The following HS2ST1 variants were observed in gnomAD, a reference collection of about 807,000 sequenced individuals.
HS2ST1 encodes heparan sulfate 2-O-sulfotransferase 1.
In HS2ST1, 18 loss-of-function variants were observed where a neutral mutation model predicts 42.9. That is an observed-to-expected ratio of 0.42 (90% CI 0.29 to 0.62). The LOEUF (loss-of-function observed/expected upper bound fraction) is 0.62. Among genes scored for constraint, HS2ST1 ranks in the 20% least tolerant of loss-of-function variants. The probability of loss-of-function intolerance (pLI) is 0.21; values close to 1 mark genes in which losing one functional copy is unlikely to be tolerated. For synonymous variants in HS2ST1, 146 were observed against 152.9 expected, an observed-to-expected ratio of 0.95 and a Z score of 0.33; for missense variants, 334 against 433.8, an observed-to-expected ratio of 0.77 and a Z score of 2.04.
chr1:86,954,388 A>G (rs150805624), intron 1 of HS2ST1, among the ~76,000 whole-genome samples: 111 of 152,326 alleles, frequency 7.3e-4, no homozygotes, highest in African/African-American at 2.7e-3. Flanking sequence ...ATTGACGTGA[A>G]GTGCAATAAA....
chr1:86,957,667 T>C (rs1367762055), intron 1 of HS2ST1, among the ~76,000 whole-genome samples: 1 of 151,290 alleles, frequency 6.6e-6, no homozygotes, highest in African/African-American at 2.4e-5. Context: ...TGAGCTCACT[T>C]AAAAAAAAAT....
intron 1 of HS2ST1, among the ~76,000 whole-genome samples, chr1:86,995,030 A>G (rs1305484034): frequency 6.6e-6 from 1 of 152,146 alleles, no homozygotes; most frequent in East Asian, 1.9e-4. Context: ...TGTCAAAAAT[A>G]AAAAGTTGGA....
intron 1 of HS2ST1, among the ~76,000 whole-genome samples, chr1:87,048,941 C>T (rs192264946): frequency 4.6e-5 from 7 of 152,128 alleles, no homozygotes; most frequent in African/African-American, 7.2e-5. Context: ...AACTGGAAAG[C>T]GTTTTCTTCA....
intron 1 of HS2ST1, 65 bp downstream of exon 1, chr1:86,915,225 G>A (rs1660119146): frequency 6.5e-7 from 1 of 1,540,298 alleles, no homozygotes; most frequent in East Asian, 2.3e-5. Flanking sequence ...TGCCGCCGGA[G>A]CAAGTGGGCG....
Position 86,978,835 on chromosome 1 carries a change from AT to A in HS2ST1, c.124+63677del, listed in dbSNP as rs200785220. Among the ~76,000 whole-genome samples the A allele has an allele frequency of 4.7e-3, 672 of 141,848 alleles. 4 individuals are homozygous for A. Among genetic ancestry groups the A allele is most frequent in the Middle Eastern group, 0.022 (6 of 278 alleles). 93.1% of individuals were successfully genotyped at this position (141,848 alleles called of 152,430 possible). A position where few individuals can be genotyped will look rare whatever the true frequency, so the allele number is the denominator to read the frequency against. ...TTTATTTGAAAAATACTGATTCCTGATTCCTAAGGGTTTTTACTTGTGAATC... is the reference window on the plus strand; with the variant it reads ...TTTATTTGAAAAATACTGATTCCTGATCCTAAGGGTTTTTACTTGTGAATC... On this transcript the variant is annotated intron_variant, in intron 1 of 6. Coordinates refer to ENST00000370550, the MANE Select transcript of HS2ST1 (RefSeq NM_012262.4).
intron 1 of HS2ST1, among the ~76,000 whole-genome samples, chr1:87,037,993 T>A (rs528860150): frequency 3.3e-5 from 5 of 152,060 alleles, no homozygotes; most frequent in African/African-American, 4.8e-5. Context: ...AGAAATAAAA[T>A]TGCATGGCAT....
intron 1 of HS2ST1, among the ~76,000 whole-genome samples, chr1:86,959,717 T>A (rs995199588): frequency 1.4e-5 from 2 of 146,488 alleles, no homozygotes; most frequent in African/African-American, 5.1e-5. Context: ...ACAAAAAAAT[T>A]AAAGTCCTTA....
chr1:86,951,514 T>C (rs1377497650), intron 1 of HS2ST1, among the ~76,000 whole-genome samples: 1 of 150,940 alleles, frequency 6.6e-6, no homozygotes, highest in Non-Finnish European at 1.5e-5. Context: ...AATGCACATA[T>C]CTAAATTAAA....
chr1:87,012,656 A>G (rs112398758), intron 1 of HS2ST1, among the ~76,000 whole-genome samples: 2,122 of 152,262 alleles, frequency 0.014, 55 homozygotes, highest in African/African-American at 0.048. Flanking sequence ...ATGCCTTCCC[A>G]AAGTCTTAAC....
intron 1 of HS2ST1, among the ~76,000 whole-genome samples, chr1:87,007,586 T>C (rs546369779): frequency 6.6e-6 from 1 of 152,296 alleles, no homozygotes; most frequent in Non-Finnish European, 1.5e-5. Flanking sequence ...TACCTGTTAC[T>C]TTCTACTCAT....
chr1:87,086,602 A>G (rs1373513542), intron 3 of HS2ST1, among the ~76,000 whole-genome samples: 1 of 152,290 alleles, frequency 6.6e-6, no homozygotes, highest in Non-Finnish European at 1.5e-5. Context: ...AGATAGAGAA[A>G]TAAAAAATGA....
At position 86,914,874 on chromosome 1, in the gene HS2ST1, G is replaced by A. The variant is rs1379972144; in HGVS notation, c.-163G>A. 6.7e-6 allele frequency: 5 copies of A among 749,356 alleles called. No homozygotes were observed. The highest frequency in any genetic ancestry group is 2.8e-5 in the Admixed American group (1 of 35,446). The allele number at this position is 749,356 out of a possible 1,614,324, so 46.4% of individuals were successfully genotyped here. A position where few individuals can be genotyped will look rare whatever the true frequency, so the allele number is the denominator to read the frequency against. Reference sequence around the variant, plus strand: ...CGTTGGTGATAGCGCCTGGGGGAGGGGGACTGGAGAGGCGAGAAGGGGGGT... The same window carrying A: ...CGTTGGTGATAGCGCCTGGGGGAGGAGGACTGGAGAGGCGAGAAGGGGGGT... On this transcript the variant is annotated 5_prime_UTR_variant, in exon 1 of 7. Coordinates refer to ENST00000370550, the MANE Select transcript of HS2ST1 (RefSeq NM_012262.4).
At chr1:87,059,181 G>T (rs922830552) in intron 1 of HS2ST1, among the ~76,000 whole-genome samples, 8 of 152,122 alleles carry the variant, frequency 5.3e-5, no homozygotes, top group Admixed American at 3.3e-4. Context: ...ATTGCCATAC[G>T]TTTTTTTGCA....
At chr1:86,997,540 A>G (rs1302965123) in intron 1 of HS2ST1, among the ~76,000 whole-genome samples, 1 of 152,228 alleles carries the variant, frequency 6.6e-6, no homozygotes, top group Non-Finnish European at 1.5e-5. Context: ...GTAATAGGCT[A>G]AGTTCTGTGA....
At chr1:87,091,250 A>G (rs1472600998) in intron 3 of HS2ST1, among the ~76,000 whole-genome samples, 1 of 152,006 alleles carries the variant, frequency 6.6e-6, no homozygotes, top group Non-Finnish European at 1.5e-5. Context: ...AGCGGCACTC[A>G]AGGAAGACAG....
chr1:86,929,837 G>C (rs1356832458), intron 1 of HS2ST1, among the ~76,000 whole-genome samples: 1 of 151,796 alleles, frequency 6.6e-6, no homozygotes. Flanking sequence ...AGAGGAATAT[G>C]TTCTGTATCC....
chr1:86,954,044 A>ATTT (rs1557492042), intron 1 of HS2ST1, among the ~76,000 whole-genome samples: 8 of 115,764 alleles, frequency 6.9e-5, no homozygotes, highest in African/African-American at 2.4e-4. Flanking sequence ...TTTTTTTAAA[A>ATTT]AAAAAAAAAA....
chr1:87,018,585 C>T (rs985320539), intron 1 of HS2ST1, among the ~76,000 whole-genome samples: 8 of 152,132 alleles, frequency 5.3e-5, no homozygotes, highest in African/African-American at 1.4e-4. Context: ...GAGACACCAC[C>T]CATGAATAGC....
chr1:86,915,669 A>T (rs1442986276), intron 1 of HS2ST1, among the ~76,000 whole-genome samples: 2 of 152,214 alleles, frequency 1.3e-5, no homozygotes, highest in East Asian at 1.9e-4. Flanking sequence ...GGAGAGCAAC[A>T]TGTGAACACT....
Sources: gnomAD v4.1 joint callset for allele counts (sites outside exome capture counted in the v4.1 genomes callset) on GRCh38, gnomAD v4.1.1 for gene constraint, MANE v1.5 for transcripts, NCBI Gene and HGNC (gene_info 2026-07-23, HGNC 2026-07-21) for gene names.